The following FRMPD4 variants were observed in gnomAD, a reference collection of about 807,000 sequenced individuals.
FRMPD4 encodes the protein FERM and PDZ domain-containing protein 4.
Under a neutral mutation model 94.1 loss-of-function variants are expected in FRMPD4, and 22 were observed. The observed-to-expected ratio is 0.23, with a 90% CI of 0.17 to 0.33. The LOEUF (loss-of-function observed/expected upper bound fraction) is 0.33. Ranked by LOEUF, FRMPD4 falls within the 10% of genes least tolerant of loss-of-function variation. The pLI, the probability that FRMPD4 is intolerant of heterozygous loss-of-function variation, is 1.00. For missense variants in FRMPD4, 1,111 were observed against 1,339.9 expected (o/e 0.83, Z 2.67); for synonymous variants, 631 against 548.6 (o/e 1.15, Z -2.10).
chrX:12,578,007 T>C (rs2058828703), intron 2 of FRMPD4, among the ~76,000 whole-genome samples: 1 of 112,786 alleles, frequency 8.9e-6, no homozygotes, highest in African/African-American at 3.2e-5. Flanking sequence ...GCTTTAGGGC[T>C]TGCAGATAGC....
chrX:11,863,896 CTT>C (rs757811432), intron 1 of FRMPD4, among the ~76,000 whole-genome samples: 56 of 112,138 alleles, frequency 5.0e-4, no homozygotes, highest in Admixed American at 1.5e-3. Context: ...TGAAAGGACT[CTT>C]TTGACAGTCA....
At chrX:12,250,070 GTT>G (rs1491430105) in intron 1 of FRMPD4, among the ~76,000 whole-genome samples, 35 of 76,601 alleles carry the variant, frequency 4.6e-4, no homozygotes, top group East Asian at 8.6e-4. Context: ...GTGTTTGTGT[GTT>G]TGTGTGTGTG....
chrX:12,384,522 GAAA>G (rs201961737), intron 1 of FRMPD4, among the ~76,000 whole-genome samples: 3 of 104,378 alleles, frequency 2.9e-5, no homozygotes. Context: ...TGTCTCAAAA[GAAA>G]AAAAAAAGAC....
chrX:12,163,168 G>GAA (rs765423883), intron 1 of FRMPD4, among the ~76,000 whole-genome samples: 32 of 110,679 alleles, frequency 2.9e-4, no homozygotes. Context: ...TCCAATTAGG[G>GAA]ACTTGAAACC....
intron 1 of FRMPD4, among the ~76,000 whole-genome samples, chrX:12,328,041 C>T (rs1186492378): frequency 1.8e-5 from 2 of 111,012 alleles, no homozygotes; most frequent in African/African-American, 3.3e-5. Context: ...GATGACATGC[C>T]TTCTCTGAGC....
chrX:12,444,532 C>T (rs950845298), intron 1 of FRMPD4, among the ~76,000 whole-genome samples: 4 of 111,973 alleles, frequency 3.6e-5, no homozygotes, highest in African/African-American at 1.3e-4. Flanking sequence ...TTATCTTGTT[C>T]CTCTCTTTCT....
chrX:11,897,150 C>CAAAAAAAAAA (rs997285182), intron 3 of FRMPD4, among the ~76,000 whole-genome samples: 1 of 40,664 alleles, frequency 2.5e-5, no homozygotes, highest in African/African-American at 9.6e-5. Flanking sequence ...GGATGAATTA[C>CAAAAAAAAAA]AAAAAAAAAA....
chrX:11,946,080 T>A (rs2054187421), intron 3 of FRMPD4, among the ~76,000 whole-genome samples: 1 of 112,002 alleles, frequency 8.9e-6, no homozygotes, highest in Non-Finnish European at 1.9e-5. Flanking sequence ...CCACAATCTT[T>A]TATCTCAATT....
Position 12,493,615 on chromosome X carries a change from G to A in FRMPD4, c.42-5065G>A, listed in dbSNP as rs922517775. On this transcript the variant is annotated intron_variant, in intron 1 of 16. Transcript: ENST00000675598. ...CACACTTATTTGTGGCACAGTGTAA[G>A]TAATATGGAGTTTGGAGTAGAAAGT... is the stretch of plus-strand genomic sequence containing the variant. 3.6e-5 allele frequency among the ~76,000 whole-genome samples: 4 copies of A among 112,090 alleles called. No homozygotes were observed. In the Admixed American group the frequency reaches 3.8e-4, roughly 11 times the overall value.
intron 1 of FRMPD4, among the ~76,000 whole-genome samples, chrX:12,175,731 C>T (rs2056286364): frequency 9.0e-6 from 1 of 111,472 alleles, no homozygotes; most frequent in Non-Finnish European, 1.9e-5. Context: ...CCAGGCTGGT[C>T]TCAAACTCTT....
chrX:12,189,242 T>C (rs375506354), intron 1 of FRMPD4, among the ~76,000 whole-genome samples: 9 of 111,638 alleles, frequency 8.1e-5, no homozygotes, highest in African/African-American at 2.9e-4. Flanking sequence ...ACAAACTGAA[T>C]ACGCCTATAT....
intron 1 of FRMPD4, among the ~76,000 whole-genome samples, chrX:12,145,844 A>C (rs1569168678): frequency 9.0e-6 from 1 of 111,522 alleles, no homozygotes; most frequent in Non-Finnish European, 1.9e-5. Context: ...GGAAGGATGG[A>C]TATGGTTGGA....
intron 1 of FRMPD4, among the ~76,000 whole-genome samples, chrX:12,284,296 G>A (rs1217909275): frequency 9.0e-6 from 1 of 111,626 alleles, no homozygotes; most frequent in Non-Finnish European, 1.9e-5. Flanking sequence ...TACCCTAGAT[G>A]ATGGACAGAT....
intron 1 of FRMPD4, among the ~76,000 whole-genome samples, chrX:12,185,742 T>A (rs5978497): frequency 0.2 from 22,196 of 111,275 alleles, 1,981 homozygotes; most frequent in East Asian, 0.62. Flanking sequence ...GTGGTGATGG[T>A]TTAAGGAATC....
chrX:12,227,024 A>G (rs1300831341), intron 1 of FRMPD4, among the ~76,000 whole-genome samples: 2 of 112,172 alleles, frequency 1.8e-5, no homozygotes, highest in African/African-American at 6.5e-5. Context: ...TTTGAAAACT[A>G]TGTTTACATT....
intron 3 of FRMPD4, among the ~76,000 whole-genome samples, chrX:11,979,021 G>A (rs1258651182): frequency 9.0e-6 from 1 of 111,103 alleles, no homozygotes; most frequent in Non-Finnish European, 1.9e-5. Flanking sequence ...GTATAGGGTA[G>A]TACAGTTTAA....
At chrX:12,112,719 A>C (rs2055376416) in intron 3 of FRMPD4, among the ~76,000 whole-genome samples, 1 of 111,841 alleles carries the variant, frequency 8.9e-6, no homozygotes, top group South Asian at 3.8e-4. Flanking sequence ...AATATAAAAT[A>C]TATACTTTTT....
At chrX:12,646,765 A>C (rs1404963020) in intron 4 of FRMPD4, among the ~76,000 whole-genome samples, 1 of 112,706 alleles carries the variant, frequency 8.9e-6, no homozygotes, top group Non-Finnish European at 1.9e-5. Flanking sequence ...CAACATTAAA[A>C]ATAGTATTTC....
intron 3 of FRMPD4, among the ~76,000 whole-genome samples, chrX:11,903,965 A>G (rs776478463): frequency 7.2e-5 from 8 of 110,467 alleles, no homozygotes; most frequent in African/African-American, 2.6e-4. Context: ...TTTTTTTTGT[A>G]GTGATGGGGG....
Sources: gnomAD v4.1 joint callset for allele counts (sites outside exome capture counted in the v4.1 genomes callset) on GRCh38, gnomAD v4.1.1 for gene constraint, MANE v1.5 for transcripts, NCBI Gene and HGNC (gene_info 2026-07-23, HGNC 2026-07-21) for gene names.